The following EXOC4 variants were observed in gnomAD, a reference collection of about 807,000 sequenced individuals.
The protein encoded by EXOC4 is SEC8-like 1.
In EXOC4, 71 loss-of-function variants were observed where a neutral mutation model predicts 107.2. That is an observed-to-expected ratio of 0.66 (90% CI 0.55 to 0.81). EXOC4 has a LOEUF of 0.81. Ranked by LOEUF, EXOC4 falls within the 30% of genes least tolerant of loss-of-function variation. The pLI is 0.00. For synonymous variants in EXOC4, 456 were observed against 441.2 expected (o/e 1.03, Z -0.42); for missense variants, 1,108 against 1,189.6 (o/e 0.93, Z 1.01).
intron 7 of EXOC4, among the ~76,000 whole-genome samples, chr7:133,383,828 T>C (rs1796669155): frequency 6.6e-6 from 1 of 152,184 alleles, no homozygotes; most frequent in East Asian, 1.9e-4. Context: ...ATAAAACTTT[T>C]TGATAACCTC....
chr7:133,427,630 T>G (rs1437933568), intron 7 of EXOC4, among the ~76,000 whole-genome samples: 1 of 152,216 alleles, frequency 6.6e-6, no homozygotes, highest in Non-Finnish European at 1.5e-5. Context: ...GATGTGGGGT[T>G]GGCACAGGAA....
intron 11 of EXOC4, among the ~76,000 whole-genome samples, chr7:133,884,206 A>G (rs1297617586): frequency 6.6e-6 from 1 of 152,230 alleles, no homozygotes; most frequent in Non-Finnish European, 1.5e-5. Context: ...GAGCCAGCAG[A>G]TAAGACATGA....
intron 10 of EXOC4, among the ~76,000 whole-genome samples, chr7:133,648,652 A>G (rs1008088000): frequency 6.6e-6 from 1 of 152,210 alleles, no homozygotes; most frequent in Admixed American, 6.5e-5. Flanking sequence ...TTTGAACCTT[A>G]GTCTTACATG....
chr7:133,840,125 G>A (rs1797995265), intron 11 of EXOC4, among the ~76,000 whole-genome samples: 1 of 152,160 alleles, frequency 6.6e-6, no homozygotes. Flanking sequence ...AAAGGAAAAA[G>A]TATTAACAAA....
At chr7:133,514,458 G>A (rs887981667) in intron 9 of EXOC4, among the ~76,000 whole-genome samples, 6 of 152,198 alleles carry the variant, frequency 3.9e-5, no homozygotes, top group East Asian at 3.9e-4. Context: ...CACTGTGCAC[G>A]GCCTGGAACA....
chr7:133,717,217 TG>T (rs1221488166), intron 10 of EXOC4, among the ~76,000 whole-genome samples: 16 of 152,234 alleles, frequency 1.1e-4, no homozygotes, highest in African/African-American at 3.6e-4. Flanking sequence ...AATTGCCTTT[TG>T]TGTGTAATTC....
chr7:134,047,857 T>C (rs1482522613), intron 17 of EXOC4, among the ~76,000 whole-genome samples: 1 of 152,264 alleles, frequency 6.6e-6, no homozygotes, highest in African/African-American at 2.4e-5. Context: ...TCCTGCCTGC[T>C]GCACAAATAA....
intron 2 of EXOC4, among the ~76,000 whole-genome samples, chr7:133,277,665 A>G (rs1034840518): frequency 1.3e-5 from 2 of 152,234 alleles, no homozygotes; most frequent in East Asian, 3.8e-4. Flanking sequence ...AGTAAATGTC[A>G]TATTATTCTG....
rs969605820 is a variant in EXOC4, at chr7:133,350,254, A to G, written c.764-6076A>G. On this transcript the variant is annotated intron_variant, in intron 5 of 17. Transcript: ENST00000253861. ...TCCAAAAAAATCATTACCAAATCCA[A>G]TGTCATAAAGCTTTTGCCCTGTGTT... 1.3e-4 allele frequency among the ~76,000 whole-genome samples: 20 copies of G among 152,228 alleles called. No individual in the cohort carries two copies. In the East Asian group the frequency reaches 2.5e-3, roughly 19 times the overall value.
In EXOC4 at chr7:133,915,909, C is replaced by T. The variant is rs555514322; in HGVS notation, c.1872-1674C>T. Among the ~76,000 whole-genome samples, 14 of 152,256 alleles carry T rather than the reference C, an allele frequency of 9.2e-5. No individual in the cohort carries two copies. In the East Asian group the frequency reaches 2.7e-3, roughly 29 times the overall value. On this transcript the variant is annotated intron_variant, in intron 12 of 17. Coordinates refer to ENST00000253861, the MANE Select transcript of EXOC4 (RefSeq NM_021807.4). Reference sequence around the variant, plus strand: ...AATTCTAGAATCTGTTTTCCTCCTGCCTCACCTCATTTCCCATGCAAGTGT... The same window carrying T: ...AATTCTAGAATCTGTTTTCCTCCTGTCTCACCTCATTTCCCATGCAAGTGT...
At chr7:134,023,866 A>G (rs1230138531) in intron 17 of EXOC4, among the ~76,000 whole-genome samples, 2 of 152,192 alleles carry the variant, frequency 1.3e-5, no homozygotes, top group Non-Finnish European at 2.9e-5. Context: ...GGGTAAAACA[A>G]AAGAAGACCC....
At chr7:133,661,672 T>TAAAAAAAAAAAAAAA (rs1177627198) in intron 10 of EXOC4, among the ~76,000 whole-genome samples, 1 of 13,436 alleles carries the variant, frequency 7.4e-5, no homozygotes, top group African/African-American at 2.8e-4. Context: ...TCCTTAAAAC[T>TAAAAAAAAAAAAAAA]AAAAAAAAAA....
intron 10 of EXOC4, among the ~76,000 whole-genome samples, chr7:133,807,107 C>T (rs555995354): frequency 6.6e-6 from 1 of 152,276 alleles, no homozygotes; most frequent in South Asian, 2.1e-4. Context: ...TACGCAGGTT[C>T]TGCAGGGCTG....
At chr7:133,855,772 A>G (rs1291164457) in intron 11 of EXOC4, among the ~76,000 whole-genome samples, 4 of 152,336 alleles carry the variant, frequency 2.6e-5, no homozygotes, top group African/African-American at 9.6e-5. Context: ...CAAGAAAGTT[A>G]GTGAACAGTT....
intron 7 of EXOC4, among the ~76,000 whole-genome samples, chr7:133,377,559 T>C (rs1041187356): frequency 2.6e-5 from 4 of 152,040 alleles, no homozygotes; most frequent in African/African-American, 4.8e-5. Context: ...AACAATTATG[T>C]GGTTTACAGG....
chr7:133,470,528 C>A (rs1378853898), intron 7 of EXOC4, among the ~76,000 whole-genome samples: 2 of 152,112 alleles, frequency 1.3e-5, no homozygotes, highest in African/African-American at 4.8e-5. Flanking sequence ...CAGAAAAAAA[C>A]AGTGAATGAT....
chr7:133,510,168 T>C (rs950108927), intron 9 of EXOC4, among the ~76,000 whole-genome samples: 1 of 152,210 alleles, frequency 6.6e-6, no homozygotes, highest in African/African-American at 2.4e-5. Context: ...ACCAATCTAA[T>C]TTCCTTCTCT....
chr7:133,828,032 G>A (rs1284365173), intron 11 of EXOC4, among the ~76,000 whole-genome samples: 1 of 151,986 alleles, frequency 6.6e-6, no homozygotes, highest in East Asian at 1.9e-4. Context: ...TATGAAACAG[G>A]GCTTATTTGG....
At chr7:133,476,642 A>G (rs1479582103) in intron 8 of EXOC4, among the ~76,000 whole-genome samples, 1 of 152,238 alleles carries the variant, frequency 6.6e-6, no homozygotes, top group African/African-American at 2.4e-5. Flanking sequence ...CCTGCCAGAA[A>G]TGAAATCTAT....
Sources: allele counts gnomAD v4.1 joint callset (sites outside exome capture counted in the v4.1 genomes callset), GRCh38; gene constraint gnomAD v4.1.1; transcripts MANE v1.5; gene names NCBI Gene and HGNC (gene_info 2026-07-23, HGNC 2026-07-21).